PTPRD: variants seen among roughly 807,000 people sequenced by gnomAD.
PTPRD encodes receptor-type tyrosine-protein phosphatase delta.
In PTPRD, 34 loss-of-function variants were observed where a neutral mutation model predicts 214.5. The observed-to-expected ratio is 0.16, with a 90% confidence interval of 0.12 to 0.21. PTPRD has a LOEUF of 0.21. PTPRD is among the 10% of genes least tolerant of loss of function. The probability of loss-of-function intolerance (pLI) is 1.00; values close to 1 mark genes in which losing one functional copy is unlikely to be tolerated. For synonymous variants in PTPRD, 1,128 were observed against 845.7 expected (o/e 1.33, Z -5.79); for missense variants, 2,545 against 2,398.7 (o/e 1.06, Z -1.27).
intron 2 of PTPRD, among the ~76,000 whole-genome samples, chr9:10,583,410 T>G (rs1395801476): frequency 6.6e-6 from 1 of 151,708 alleles, no homozygotes; most frequent in Non-Finnish European, 1.5e-5. Flanking sequence ...TTAAGCAAAC[T>G]GAAATGCAGA....
chr9:10,599,038 G>C (rs1202869606), intron 2 of PTPRD, among the ~76,000 whole-genome samples: 2 of 151,602 alleles, frequency 1.3e-5, no homozygotes, highest in African/African-American at 4.8e-5. Context: ...ACGTGCAACT[G>C]GGTATGACCA....
At chr9:10,164,968 C>T (rs1486540749) in intron 3 of PTPRD, among the ~76,000 whole-genome samples, 6 of 150,670 alleles carry the variant, frequency 4.0e-5, no homozygotes, top group Non-Finnish European at 3.0e-5. Flanking sequence ...TTAACCTGAA[C>T]TATCCAAAAG....
intron 2 of PTPRD, among the ~76,000 whole-genome samples, chr9:10,595,781 G>C (rs192777436): frequency 9.6e-4 from 146 of 151,592 alleles, no homozygotes; most frequent in Admixed American, 2.8e-3. Context: ...TTACTAGTGG[G>C]GGGAAAGAAG....
chr9:9,183,245 C>T (rs1593090093), intron 10 of PTPRD, 59 bp downstream of exon 10: 1 of 151,932 alleles, frequency 6.6e-6, no homozygotes, highest in African/African-American at 2.4e-5. Flanking sequence ...ACATCAGTTA[C>T]TGTATTAAGT....
intron 9 of PTPRD, among the ~76,000 whole-genome samples, chr9:9,340,867 A>G (rs752961283): frequency 2.0e-5 from 3 of 152,150 alleles, no homozygotes; most frequent in Non-Finnish European, 4.4e-5. Context: ...CATATAATTC[A>G]TTTTACCCAG....
At chr9:9,041,847 C>T (rs1569493928) in intron 10 of PTPRD, among the ~76,000 whole-genome samples, 1 of 152,166 alleles carries the variant, frequency 6.6e-6, no homozygotes, top group South Asian at 2.1e-4. Flanking sequence ...TCCTACTCAA[C>T]TGTACTGGCT....
chr9:8,384,024 G>A (rs757368540), intron 37 of PTPRD, among the ~76,000 whole-genome samples: 3 of 152,128 alleles, frequency 2.0e-5, no homozygotes, highest in Admixed American at 6.6e-5. Context: ...GTCAAGAGAA[G>A]ATAGATGAAG....
chr9:8,486,950 G>C (rs947670517), intron 27 of PTPRD, among the ~76,000 whole-genome samples: 10 of 151,872 alleles, frequency 6.6e-5, no homozygotes, highest in Non-Finnish European at 1.0e-4. Context: ...GTCTGGAGTC[G>C]ACTGCTTAAA....
chr9:8,560,545 T>C (rs544940289), intron 14 of PTPRD, among the ~76,000 whole-genome samples: 1 of 151,990 alleles, frequency 6.6e-6, no homozygotes, highest in South Asian at 2.1e-4. Context: ...TTTAAAAAAA[T>C]GTATGTATAG....
intron 35 of PTPRD, among the ~76,000 whole-genome samples, chr9:8,407,446 T>C (rs2093102912): frequency 3.3e-5 from 5 of 152,306 alleles, no homozygotes; most frequent in Middle Eastern, 6.8e-3. Flanking sequence ...GCTAGATTCA[T>C]ACAGTTACCC....
chr9:9,079,992 T>C (rs913840693), intron 10 of PTPRD, among the ~76,000 whole-genome samples: 5 of 152,064 alleles, frequency 3.3e-5, no homozygotes, highest in Non-Finnish European at 7.4e-5. Flanking sequence ...TATTAAATGT[T>C]CAATGACATC....
intron 11 of PTPRD, among the ~76,000 whole-genome samples, chr9:9,005,886 T>C (rs1407565027): frequency 2.0e-5 from 3 of 152,014 alleles, no homozygotes; most frequent in Non-Finnish European, 4.4e-5. Context: ...TTCACTAACC[T>C]ATAGGACTTG....
At chr9:9,972,709 A>G (rs2095176250) in intron 4 of PTPRD, among the ~76,000 whole-genome samples, 2 of 152,240 alleles carry the variant, frequency 1.3e-5, no homozygotes, top group South Asian at 2.1e-4. Flanking sequence ...TCCTGAGGGG[A>G]CAGTCCATTT....
intron 11 of PTPRD, among the ~76,000 whole-genome samples, chr9:8,948,348 C>T (rs886615019): frequency 7.5e-6 from 1 of 133,962 alleles, no homozygotes; most frequent in Non-Finnish European, 1.5e-5. Flanking sequence ...TATGCCCATG[C>T]ATCTTCAATA....
chr9:8,887,448 G>A (rs575022425), intron 11 of PTPRD, among the ~76,000 whole-genome samples: 1 of 152,202 alleles, frequency 6.6e-6, no homozygotes, highest in South Asian at 2.1e-4. Flanking sequence ...GTGAGCAAAA[G>A]TTGTTTTAAG....
At chr9:8,341,345 C>G (rs1852252936) in intron 40 of PTPRD, 77 bp from the exon 41 acceptor site, 1 of 1,418,332 alleles carries the variant, frequency 7.1e-7, no homozygotes, top group Admixed American at 2.3e-5. Context: ...CAGTGTACCC[C>G]AGATTTCCCT....
At chr9:8,551,454 T>C (rs1799187575) in intron 14 of PTPRD, among the ~76,000 whole-genome samples, 1 of 152,178 alleles carries the variant, frequency 6.6e-6, no homozygotes, top group African/African-American at 2.4e-5. Flanking sequence ...TGGCAGATCT[T>C]TTTTCTTTCT....
At chr9:10,273,739 G>C (rs2094536154) in intron 3 of PTPRD, among the ~76,000 whole-genome samples, 2 of 152,072 alleles carry the variant, frequency 1.3e-5, no homozygotes, top group Non-Finnish European at 2.9e-5. Flanking sequence ...GTGTAGTCAA[G>C]TTTGTATAAT....
At chr9:10,181,745 G>T (rs892731882) in intron 3 of PTPRD, among the ~76,000 whole-genome samples, 1 of 149,894 alleles carries the variant, frequency 6.7e-6, no homozygotes, top group African/African-American at 2.5e-5. Flanking sequence ...AGTAAATGGT[G>T]TTTGAAAATT....
Sources: gnomAD v4.1 joint callset for allele counts (sites outside exome capture counted in the v4.1 genomes callset) on GRCh38, gnomAD v4.1.1 for gene constraint, MANE v1.5 for transcripts, NCBI Gene and HGNC (gene_info 2026-07-23, HGNC 2026-07-21) for gene names.